TDRD1: variants seen among roughly 807,000 people sequenced by gnomAD.
TDRD1 encodes the protein tudor domain containing 1.
Under a neutral mutation model 140.6 loss-of-function variants are expected in TDRD1, and 37 were observed. The ratio of observed to expected loss-of-function variants is 0.26; its 90% CI spans 0.20 to 0.35. The LOEUF (loss-of-function observed/expected upper bound fraction) is 0.35, where lower values mean the gene tolerates loss of function less well. Ranked by LOEUF, TDRD1 falls within the 10% of genes least tolerant of loss-of-function variation. The pLI, the probability that TDRD1 is intolerant of heterozygous loss-of-function variation, is 1.00. For synonymous variants in TDRD1, 506 were observed against 475.7 expected, an observed-to-expected ratio of 1.06 and a Z score of -0.83; for missense variants, 1,243 against 1,393.0, an observed-to-expected ratio of 0.89 and a Z score of 1.71.
intron 10 of TDRD1, 96 bp from the exon 11 acceptor site, chr10:114,206,148 G>C (rs188094662): frequency 2.3e-6 from 2 of 879,442 alleles, no homozygotes; most frequent in Non-Finnish European, 3.6e-6. Flanking sequence ...AGCTATGAAC[G>C]TGTGTTGTAT....
chr10:114,182,967 A>G (rs890603030), intron 1 of TDRD1, among the ~76,000 whole-genome samples: 1 of 152,164 alleles, frequency 6.6e-6, no homozygotes, highest in African/African-American at 2.4e-5. Flanking sequence ...TACAGGTGTG[A>G]GCCACCGCTC....
chr10:114,214,139 T>C (rs770551525), intron 16 of TDRD1, 25 bp downstream of exon 16: 1 of 1,606,054 alleles, frequency 6.2e-7, no homozygotes, highest in South Asian at 1.1e-5. Context: ...GTCATTTGTT[T>C]CTTTTTACAA....
chr10:114,198,894 C>T (rs1412552317), intron 3 of TDRD1, among the ~76,000 whole-genome samples: 2 of 152,180 alleles, frequency 1.3e-5, no homozygotes, highest in Admixed American at 6.5e-5. Flanking sequence ...GCTTCTCCAG[C>T]ACCCAGTCTG....
At chr10:114,202,471 T>C (rs112380808) in intron 6 of TDRD1, among the ~76,000 whole-genome samples, 173 bp downstream of exon 6, 27 of 152,330 alleles carry the variant, frequency 1.8e-4, no homozygotes, top group African/African-American at 6.5e-4. Context: ...AATTACTTCA[T>C]CTTTTTTTCA....
At chr10:114,192,586 G>C (rs926329363) in intron 3 of TDRD1, among the ~76,000 whole-genome samples, 2 of 152,026 alleles carry the variant, frequency 1.3e-5, no homozygotes, top group African/African-American at 4.8e-5. Flanking sequence ...GATTACAGGC[G>C]TGAGCCACCA....
At chr10:114,211,985 A>T (rs1296011780) in exon 14 of TDRD1, 1 of 1,612,144 alleles carries the variant, frequency 6.2e-7, no homozygotes, top group Non-Finnish European at 8.5e-7. Flanking sequence ...TTGTCCCATA[A>T]TCCCAAAGTT....
intron 1 of TDRD1, among the ~76,000 whole-genome samples, chr10:114,187,004 C>T (rs1158123749): frequency 1.3e-5 from 2 of 152,162 alleles, no homozygotes; most frequent in African/African-American, 4.8e-5. Flanking sequence ...AGCTATCAGT[C>T]ACTACTTCAG....
intron 6 of TDRD1, among the ~76,000 whole-genome samples, chr10:114,202,598 G>A (rs1054071225): frequency 1.3e-5 from 2 of 152,094 alleles, no homozygotes; most frequent in Admixed American, 6.5e-5. Context: ...ATCTAAGGAG[G>A]ATTTTTTTTC....
intron 2 of TDRD1, 85 bp from the exon 3 acceptor site, chr10:114,190,876 A>G: frequency 7.5e-7 from 1 of 1,328,774 alleles, no homozygotes; most frequent in African/African-American, 1.5e-5. Flanking sequence ...TGTTACTTGA[A>G]TATCACCTAA....
intron 2 of TDRD1, among the ~76,000 whole-genome samples, chr10:114,188,895 A>G (rs1038770103): frequency 7.3e-6 from 1 of 137,914 alleles, no homozygotes; most frequent in Non-Finnish European, 1.6e-5. Context: ...AAAAAAAAAA[A>G]CCTTTCTAAA....
At position 114,204,059 on chromosome 10, in the gene TDRD1, T is replaced by C; in HGVS notation, c.982-14T>C. The C allele has an allele frequency of 1.3e-6, 2 of 1,596,080 alleles. No homozygotes were observed. The highest frequency in any genetic ancestry group is 2.0e-4 in the Middle Eastern group (1 of 5,010). Reference sequence around the variant, plus strand: ...GCTGTTATGAAGCAGAGTACCATTATATTTCACTTTCAGACCTGGAACAGA... The same window carrying C: ...GCTGTTATGAAGCAGAGTACCATTACATTTCACTTTCAGACCTGGAACAGA... On this transcript the variant is annotated splice_polypyrimidine_tract_variant and intron_variant, in intron 8 of 25. Coordinates refer to ENST00000251864, the Ensembl canonical transcript of TDRD1.
intron 25 of TDRD1, chr10:114,228,158 T>C (rs370473422): frequency 3.1e-5 from 47 of 1,539,514 alleles, no homozygotes; most frequent in Non-Finnish European, 3.8e-5. Context: ...TTTTCGCCTC[T>C]TCTGTGATCA....
upstream of TDRD1, among the ~76,000 whole-genome samples, chr10:114,175,443 T>C (rs2032672410): frequency 6.6e-6 from 1 of 152,126 alleles, no homozygotes; most frequent in Admixed American, 6.5e-5. Flanking sequence ...TATATTTGAA[T>C]TTACAAATAT....
chr10:114,196,697 T>A, intron 3 of TDRD1, among the ~76,000 whole-genome samples: 1 of 152,066 alleles, frequency 6.6e-6, no homozygotes, highest in East Asian at 1.9e-4. Context: ...TATTTTCCTC[T>A]TTCTGCTTTC....
intron 4 of TDRD1, among the ~76,000 whole-genome samples, chr10:114,200,663 A>G (rs1260518357): frequency 1.3e-5 from 2 of 152,054 alleles, no homozygotes; most frequent in Admixed American, 1.3e-4. Context: ...AACTGGGACT[A>G]CAGGTGCGCA....
chr10:114,214,261 C>T lies in TDRD1; in HGVS notation c.2212+147C>T, dbSNP rs1027490462. 22 of 657,512 alleles carry T rather than the reference C, an allele frequency of 3.3e-5. No homozygotes were observed. In the Admixed American group the frequency reaches 6.3e-4, roughly 19 times the overall value. The allele number at this position is 657,512 out of a possible 1,614,324, so 40.7% of individuals were successfully genotyped here. A position where few individuals can be genotyped will look rare whatever the true frequency, so the allele number is the denominator to read the frequency against. ...TATTTCCAAGAAAGATTTGGTTATA[C>T]TTAGTTAGCTTTTATTCTCTTTTAA... is the stretch of plus-strand genomic sequence containing the variant. On this transcript the variant is annotated intron_variant, in intron 16 of 25. Coordinates refer to ENST00000251864, the Ensembl canonical transcript of TDRD1.
chr10:114,196,259 T>G (rs1483921057), intron 3 of TDRD1, among the ~76,000 whole-genome samples: 1 of 152,222 alleles, frequency 6.6e-6, no homozygotes, highest in East Asian at 1.9e-4. Flanking sequence ...GTTTTTCTTC[T>G]TTCTGTTTCA....
upstream of TDRD1, among the ~76,000 whole-genome samples, chr10:114,177,761 T>C (rs532107622): frequency 6.6e-6 from 1 of 152,250 alleles, no homozygotes; most frequent in South Asian, 2.1e-4. Flanking sequence ...TAACAGACCA[T>C]GCTAATAATA....
chr10:114,182,150 T>C (rs763496450), intron 1 of TDRD1, among the ~76,000 whole-genome samples: 6 of 152,230 alleles, frequency 3.9e-5, no homozygotes, highest in Non-Finnish European at 7.3e-5. Context: ...TCTGGAATCT[T>C]GTATTCCATT....
Sources: gnomAD v4.1 joint callset for allele counts (sites outside exome capture counted in the v4.1 genomes callset) on GRCh38, gnomAD v4.1.1 for gene constraint, MANE v1.5 for transcripts, NCBI Gene and HGNC (gene_info 2026-07-23, HGNC 2026-07-21) for gene names.